ZNF385D: variants seen among roughly 807,000 people sequenced by gnomAD.
The protein encoded by ZNF385D is zinc finger protein 385D.
A neutral mutation model predicts 35.8 loss-of-function variants in ZNF385D; 15 were observed. The ratio of observed to expected loss-of-function variants is 0.42; its 90% CI spans 0.28 to 0.64. The LOEUF is 0.64. Among genes scored for constraint, ZNF385D ranks in the 30% least tolerant of loss-of-function variants. The probability of loss-of-function intolerance (pLI) is 0.23; values close to 1 mark genes in which losing one functional copy is unlikely to be tolerated. For synonymous variants in ZNF385D, 212 were observed against 186.8 expected (o/e 1.13, Z -1.10); for missense variants, 474 against 494.6 (o/e 0.96, Z 0.39).
intron 2 of ZNF385D, among the ~76,000 whole-genome samples, chr3:22,221,049 G>A (rs1698221797): frequency 6.6e-6 from 1 of 151,876 alleles, no homozygotes; most frequent in Non-Finnish European, 1.5e-5. Flanking sequence ...GAACATGACA[G>A]CAATAGCATA....
At chr3:22,357,878 T>C (rs976800330) in intron 2 of ZNF385D, among the ~76,000 whole-genome samples, 4 of 151,866 alleles carry the variant, frequency 2.6e-5, no homozygotes, top group Non-Finnish European at 5.9e-5. Flanking sequence ...GGGTGGAGAA[T>C]TGCAATTCTT....
intron 3 of ZNF385D, among the ~76,000 whole-genome samples, chr3:21,870,151 C>G (rs1392235791): frequency 1.3e-5 from 2 of 152,074 alleles, no homozygotes; most frequent in Non-Finnish European, 2.9e-5. Flanking sequence ...ATAAATGCTT[C>G]AGGAATTATT....
intron 3 of ZNF385D, among the ~76,000 whole-genome samples, chr3:21,826,355 T>C (rs1015060288): frequency 3.3e-5 from 5 of 152,154 alleles, no homozygotes; most frequent in Non-Finnish European, 7.4e-5. Flanking sequence ...TACTTACGTT[T>C]CCAGCACAGT....
chr3:22,263,644 A>G (rs904010561), intron 2 of ZNF385D, among the ~76,000 whole-genome samples: 8 of 152,056 alleles, frequency 5.3e-5, no homozygotes, highest in African/African-American at 1.4e-4. Flanking sequence ...GGCACCAAAT[A>G]GGCACTTAAT....
At chr3:21,424,274 A>ATTATATATATACTTATATATATATAT (rs1700882025) in intron 6 of ZNF385D, among the ~76,000 whole-genome samples, 2 of 71,660 alleles carry the variant, frequency 2.8e-5, no homozygotes, top group African/African-American at 4.1e-5. Context: ...TATATATACT[A>ATTATATATATACTTATATATATATAT]TTATATATAT....
intron 2 of ZNF385D, among the ~76,000 whole-genome samples, chr3:22,225,961 G>A (rs767966824): frequency 6.6e-6 from 1 of 152,110 alleles, no homozygotes; most frequent in Non-Finnish European, 1.5e-5. Flanking sequence ...GGAAGGTTCT[G>A]TAAGCCACTC....
chr3:22,203,838 G>C (rs971801412), intron 2 of ZNF385D, among the ~76,000 whole-genome samples: 27 of 152,154 alleles, frequency 1.8e-4, no homozygotes, highest in Admixed American at 2.0e-4. Flanking sequence ...GCATCAGGTA[G>C]ATTTCTGAGA....
intron 2 of ZNF385D, among the ~76,000 whole-genome samples, chr3:21,569,384 C>G (rs1159279683): frequency 6.7e-6 from 1 of 150,008 alleles, no homozygotes; most frequent in Non-Finnish European, 1.5e-5. Context: ...AGGATTGCAA[C>G]CCCTGCCTTT....
intron 3 of ZNF385D, among the ~76,000 whole-genome samples, chr3:21,970,410 T>G (rs1284233729): frequency 6.6e-6 from 1 of 151,200 alleles, no homozygotes; most frequent in Admixed American, 6.6e-5. Flanking sequence ...GTTGACATAC[T>G]GTAAAATGCA....
intron 3 of ZNF385D, among the ~76,000 whole-genome samples, chr3:21,819,385 G>C (rs967654483): frequency 6.6e-6 from 1 of 151,034 alleles, no homozygotes; most frequent in Non-Finnish European, 1.5e-5. Context: ...CTAAAACAAG[G>C]TAACAGAAAA....
chr3:21,780,464 G>A (rs1464365640), intron 3 of ZNF385D, among the ~76,000 whole-genome samples: 1 of 151,846 alleles, frequency 6.6e-6, no homozygotes, highest in African/African-American at 2.4e-5. Context: ...TTCCTTATGT[G>A]GATACGACAT....
chr3:22,273,955 C>T (rs1701302560), intron 2 of ZNF385D, among the ~76,000 whole-genome samples: 1 of 151,918 alleles, frequency 6.6e-6, no homozygotes, highest in South Asian at 2.1e-4. Flanking sequence ...ATGTTGGATA[C>T]CATTAAATGC....
At chr3:21,440,059 T>C (rs1047763036) in intron 4 of ZNF385D, among the ~76,000 whole-genome samples, 1 of 152,108 alleles carries the variant, frequency 6.6e-6, no homozygotes, top group African/African-American at 2.4e-5. Flanking sequence ...AGTAATGGAT[T>C]TTTCACTTAC....
intron 2 of ZNF385D, among the ~76,000 whole-genome samples, chr3:22,320,965 T>G (rs1255817931): frequency 1.3e-5 from 2 of 151,928 alleles, no homozygotes; most frequent in Non-Finnish European, 2.9e-5. Flanking sequence ...AAGTAAACAT[T>G]TTTTTGAAAT....
intron 3 of ZNF385D, among the ~76,000 whole-genome samples, chr3:21,800,537 C>A (rs1414419782): frequency 6.6e-6 from 1 of 152,158 alleles, no homozygotes; most frequent in Non-Finnish European, 1.5e-5. Flanking sequence ...ACTACGGAGG[C>A]TAAGGCAGGA....
intron 2 of ZNF385D, among the ~76,000 whole-genome samples, chr3:22,188,730 A>G (rs1043469988): frequency 2.6e-5 from 4 of 152,200 alleles, no homozygotes; most frequent in African/African-American, 9.6e-5. Flanking sequence ...GATTACAGGC[A>G]TGAGCCACCG....
intron 3 of ZNF385D, among the ~76,000 whole-genome samples, chr3:22,066,305 A>AGT (rs539082347): frequency 2.0e-4 from 23 of 116,074 alleles, no homozygotes; most frequent in Admixed American, 8.0e-4. Flanking sequence ...GTAGCTAAGG[A>AGT]GTGTGTGTGT....
At chr3:22,039,984 G>A (rs1698567642) in intron 3 of ZNF385D, among the ~76,000 whole-genome samples, 1 of 152,160 alleles carries the variant, frequency 6.6e-6, no homozygotes, top group African/African-American at 2.4e-5. Flanking sequence ...GGAGGATCAT[G>A]AGGCTGAATA....
chr3:21,491,154 A>G (rs574605331), intron 4 of ZNF385D, among the ~76,000 whole-genome samples: 1 of 141,376 alleles, frequency 7.1e-6, no homozygotes, highest in South Asian at 2.4e-4. Flanking sequence ...TGTGCCTAAA[A>G]GTACAGGCAA....
Sources: gnomAD v4.1 joint callset for allele counts (sites outside exome capture counted in the v4.1 genomes callset) on GRCh38, gnomAD v4.1.1 for gene constraint, MANE v1.5 for transcripts, NCBI Gene and HGNC (gene_info 2026-07-23, HGNC 2026-07-21) for gene names.